NAA11: variants seen among roughly 807,000 people sequenced by gnomAD.
The protein encoded by NAA11 is N-alpha-acetyltransferase 11.
Under a neutral mutation model 16.1 loss-of-function variants are expected in NAA11, and 15 were observed. The observed-to-expected ratio is 0.93, with a 90% CI of 0.62 to 1.44. NAA11 has a LOEUF of 1.44. NAA11 is among the 40% of genes most tolerant of loss of function. NAA11 has a pLI of 0.00. For missense variants in NAA11, 298 were observed against 291.3 expected, an observed-to-expected ratio of 1.02 and a Z score of -0.17; for synonymous variants, 122 against 112.4, an observed-to-expected ratio of 1.09 and a Z score of -0.54.
chr4:79,269,545 G>A (rs1171959006), intron 2 of NAA11, among the ~76,000 whole-genome samples: 3 of 149,988 alleles, frequency 2.0e-5, no homozygotes, highest in African/African-American at 7.4e-5. Flanking sequence ...TTTTTGATGG[G>A]GTTGTTTGTT....
At chr4:79,249,053 A>G (rs1284261310) in intron 2 of NAA11, among the ~76,000 whole-genome samples, 1 of 152,168 alleles carries the variant, frequency 6.6e-6, no homozygotes, top group Non-Finnish European at 1.5e-5. Flanking sequence ...AGGGAGCCCA[A>G]TGCCAGCTCC....
At chr4:79,242,317 TG>T (rs1331642757) in intron 2 of NAA11, among the ~76,000 whole-genome samples, 1 of 152,244 alleles carries the variant, frequency 6.6e-6, no homozygotes, top group African/African-American at 2.4e-5. Context: ...TCAGTCCACC[TG>T]CACTTTGGAA....
intron 1 of NAA11, among the ~76,000 whole-genome samples, chr4:79,320,161 A>T (rs1724050329): frequency 6.6e-6 from 1 of 152,202 alleles, no homozygotes; most frequent in Admixed American, 6.5e-5. Flanking sequence ...ACCTGTCTTC[A>T]TTGCTATGGC....
In NAA11 at chr4:79,248,694, G is replaced by A. The variant is rs566272668; in HGVS notation, c.*123-22424C>T. Among the ~76,000 whole-genome samples the A allele has an allele frequency of 7.9e-5, 12 of 152,246 alleles. No individual in the cohort carries two copies. In the South Asian group the frequency reaches 2.5e-3, roughly 32 times the overall value. On this transcript the variant is annotated intron_variant and NMD_transcript_variant, in intron 2 of 2. Transcript: ENST00000511542. ...CCACCAGCATGAACATGTGCATAGA[G>A]GGCAGCAACCCCACACCTACTAGTT...
At chr4:79,304,218 T>TA (rs1723495386) in intron 1 of NAA11, among the ~76,000 whole-genome samples, 1 of 152,160 alleles carries the variant, frequency 6.6e-6, no homozygotes, top group Admixed American at 6.5e-5. Context: ...GTTTCTCAGT[T>TA]AAAAAATTAT....
the NAA11 span, among the ~76,000 whole-genome samples, chr4:79,172,025 C>A: frequency 6.6e-6 from 1 of 151,602 alleles, no homozygotes; most frequent in Non-Finnish European, 1.5e-5. Flanking sequence ...AAACTTAGGA[C>A]ATTAAGAAGA....
intron 2 of NAA11, among the ~76,000 whole-genome samples, chr4:79,256,651 A>AATAT (rs34533882): frequency 7.0e-4 from 92 of 130,604 alleles, no homozygotes; most frequent in Middle Eastern, 7.8e-3. Context: ...TATAAATATA[A>AATAT]ATATATATAT....
the NAA11 span, among the ~76,000 whole-genome samples, chr4:79,216,280 T>C: frequency 1.6e-3 from 244 of 152,228 alleles, no homozygotes; most frequent in African/African-American, 5.5e-3. Flanking sequence ...AATATTATTA[T>C]AGTTTATTTA....
At chr4:79,318,098 C>A (rs1723980228) in intron 1 of NAA11, among the ~76,000 whole-genome samples, 1 of 152,170 alleles carries the variant, frequency 6.6e-6, no homozygotes, top group African/African-American at 2.4e-5. Flanking sequence ...GATTTACCCC[C>A]AAAGAACCTA....
chr4:79,186,221 T>C, the NAA11 span, among the ~76,000 whole-genome samples: 1 of 152,226 alleles, frequency 6.6e-6, no homozygotes, highest in Admixed American at 6.5e-5. Context: ...TTTAAAAGGC[T>C]ATGAATATAT....
At chr4:79,288,448 A>G (rs1277874037) in intron 2 of NAA11, among the ~76,000 whole-genome samples, 4 of 152,206 alleles carry the variant, frequency 2.6e-5, no homozygotes, top group African/African-American at 9.6e-5. Context: ...TGCTGCAACT[A>G]TTTCTTAAAT....
chr4:79,234,061 G>T (rs898115044), intron 2 of NAA11, among the ~76,000 whole-genome samples: 48 of 152,074 alleles, frequency 3.2e-4, no homozygotes, highest in African/African-American at 1.2e-3. Flanking sequence ...GCAATCTTTT[G>T]TGTCAGTAAG....
chr4:79,307,305 G>C (rs928513300), intron 1 of NAA11: 1 of 152,170 alleles, frequency 6.6e-6, no homozygotes, highest in Admixed American at 6.5e-5. Flanking sequence ...ACAGTCTTGA[G>C]AACAGATGAT....
At chr4:79,169,819 A>G in the NAA11 span, among the ~76,000 whole-genome samples, 2 of 152,276 alleles carry the variant, frequency 1.3e-5, no homozygotes, top group African/African-American at 2.4e-5. Context: ...CCATGATCCA[A>G]TCACTTCCCA....
intron 2 of NAA11, among the ~76,000 whole-genome samples, chr4:79,246,383 A>AAAAAAAAAAAAAAAAAAAAAAAAATAC (rs1721829852): frequency 3.4e-5 from 1 of 29,468 alleles, no homozygotes; most frequent in Non-Finnish European, 9.5e-5. Flanking sequence ...ATACTAAAAA[A>AAAAAAAAAAAAAAAAAAAAAAAAATAC]AAAAAAAAAA....
At chr4:79,224,758 G>C (rs79190596), downstream of NAA11, among the ~76,000 whole-genome samples, 1 of 152,182 alleles carries the variant, frequency 6.6e-6, no homozygotes, top group East Asian at 1.9e-4. Context: ...ATAATACTGG[G>C]ATCAGATGAA....
chr4:79,325,678 A>C lies in NAA11; in HGVS notation c.200T>G (p.Val67Gly). The C allele has an allele frequency of 6.2e-7, 1 of 1,614,038 alleles. No homozygotes were observed. Among genetic ancestry groups the C allele is most frequent in the East Asian group, 2.2e-5 (1 of 44,880 alleles). The change falls in exon 1 of 2, where the codon GTC becomes GGC. Residue 67 changes from valine (V) to glycine (G), a missense_variant. Val to Gly is a moderately radical substitution (Grantham distance 109, BLOSUM62 -3). Transcript: ENST00000286794. ...LAKMEEEPDD[V>G]PHGHITSLAV... is the part of the protein sequence containing the mutation. ...CAGTGAGGTGATATGGCCATGCGGGACATCATCTGGTTCCTCCTCCATTTT... is the reference window on the plus strand; with the variant it reads ...CAGTGAGGTGATATGGCCATGCGGGCCATCATCTGGTTCCTCCTCCATTTT...
the NAA11 span, among the ~76,000 whole-genome samples, chr4:79,172,388 C>T: frequency 2.6e-5 from 4 of 152,126 alleles, no homozygotes; most frequent in Admixed American, 2.6e-4. Flanking sequence ...TACTTATTAA[C>T]TTTTTTTCCA....
At position 79,289,594 on chromosome 4, in the gene NAA11, A is replaced by T. The variant is rs191562570; in HGVS notation, c.*122+4411T>A. 2.6e-4 allele frequency among the ~76,000 whole-genome samples: 40 copies of T among 152,276 alleles called. No individual in the cohort carries two copies. The East Asian group carries it at 4.8e-3, about 18-fold the overall frequency. On this transcript the variant is annotated intron_variant and NMD_transcript_variant, in intron 2 of 2. Coordinates refer to the NAA11 transcript ENST00000511542. ...TTGTGAAGAAAAAGCCAGAACTCAG[A>T]CAATTTATAAATAAATTGCTCAGTC...
Sources: allele counts gnomAD v4.1 joint callset (sites outside exome capture counted in the v4.1 genomes callset), GRCh38; gene constraint gnomAD v4.1.1; transcripts MANE v1.5; gene names NCBI Gene and HGNC (gene_info 2026-07-23, HGNC 2026-07-21).